The following FHL2 variants were observed in gnomAD, a reference collection of about 807,000 sequenced individuals.
The protein encoded by FHL2 is four and a half LIM domains protein 2.
In FHL2, 20 loss-of-function variants were observed where a neutral mutation model predicts 32.7. That is an observed-to-expected ratio of 0.61 (90% CI 0.43 to 0.89). The LOEUF (loss-of-function observed/expected upper bound fraction) is 0.89, where lower values mean the gene tolerates loss of function less well. FHL2 is among the 40% of genes least tolerant of loss of function. FHL2 has a pLI of 0.00. For synonymous variants in FHL2, 123 were observed against 128.1 expected, an observed-to-expected ratio of 0.96 and a Z score of 0.27; for missense variants, 311 against 358.6, an observed-to-expected ratio of 0.87 and a Z score of 1.07.
In FHL2 at chr2:105,396,856, A is replaced by G. The variant is rs145412384; in HGVS notation, c.-75-159T>C. The G allele has an allele frequency of 5.5e-3, 3,532 of 646,392 alleles. 18 individuals carry two copies. The highest frequency in any genetic ancestry group is 7.9e-3 in the Non-Finnish European group (2,990 of 379,554). The allele number at this position is 646,392 out of a possible 1,614,324, so 40.0% of individuals were successfully genotyped here. ...CAATGTCTAATGTTTCCATTCACCC[A>G]AGCTCAAGGAACTTTGTACCTCAGG... On this transcript the variant is annotated intron_variant, in intron 1 of 6. Coordinates refer to ENST00000530340, the MANE Select transcript of FHL2 (RefSeq NM_001318895.3).
In FHL2 at chr2:105,361,246, G is replaced by A; in HGVS notation, c.*37C>T. 6.3e-7 allele frequency: 1 copy of A among 1,591,670 alleles called. No individual in the cohort carries two copies. The highest frequency in any genetic ancestry group is 1.7e-4 in the Middle Eastern group (1 of 5,944). On this transcript the variant is annotated 3_prime_UTR_variant, in exon 7 of 7. Coordinates refer to ENST00000530340, the MANE Select transcript of FHL2 (RefSeq NM_001318895.3). Reference sequence around the variant, plus strand: ...TGAGAAAGAAAACATAAAAATCTGTGTGTGAGATCACAAGCAGCAACTTCT... The same window carrying A: ...TGAGAAAGAAAACATAAAAATCTGTATGTGAGATCACAAGCAGCAACTTCT...
intron 1 of FHL2, among the ~76,000 whole-genome samples, chr2:105,406,366 G>A (rs933968794): frequency 9.9e-5 from 15 of 152,146 alleles, no homozygotes; most frequent in Non-Finnish European, 1.8e-4. Flanking sequence ...TTGTCTCCAT[G>A]GAGGGCCGGA....
upstream of FHL2, among the ~76,000 whole-genome samples, chr2:105,400,215 G>C (rs1322017984): frequency 6.6e-6 from 1 of 152,178 alleles, no homozygotes; most frequent in Non-Finnish European, 1.5e-5. Context: ...AACTGTGCCA[G>C]CTGAGATTTG....
chr2:105,402,392 A>G (rs1033176603), upstream of FHL2, among the ~76,000 whole-genome samples: 25 of 152,076 alleles, frequency 1.6e-4, no homozygotes, highest in Admixed American at 1.6e-3. Context: ...GACTACAGGC[A>G]TGTGCCACCA....
chr2:105,359,388 C>A (rs934067936), downstream of FHL2: 2 of 152,154 alleles, frequency 1.3e-5, no homozygotes, highest in Non-Finnish European at 2.9e-5. Flanking sequence ...AACTATAAAA[C>A]CAAAAGACTC....
upstream of FHL2, among the ~76,000 whole-genome samples, chr2:105,403,783 T>C (rs1683545272): frequency 6.6e-6 from 1 of 152,166 alleles, no homozygotes; most frequent in South Asian, 2.1e-4. Context: ...AGACTAAACA[T>C]AGACTAGACT....
upstream of FHL2, chr2:105,399,663 A>G (rs1683391275): frequency 6.1e-6 from 9 of 1,479,756 alleles, no homozygotes; most frequent in South Asian, 1.2e-4. Flanking sequence ...CGGGAAAACC[A>G]AAGTGAGCTG....
At chr2:105,397,873 GT>G (rs1192168352) in intron 1 of FHL2, among the ~76,000 whole-genome samples, 2 of 40,372 alleles carry the variant, frequency 5.0e-5, no homozygotes, top group East Asian at 1.2e-3. Flanking sequence ...AATGGTTTTT[GT>G]TTTTTTGTTT....
chr2:105,374,984 G>A (rs910612773), intron 3 of FHL2, among the ~76,000 whole-genome samples: 11 of 152,186 alleles, frequency 7.2e-5, no homozygotes, highest in Non-Finnish European at 5.9e-5. Context: ...GCCTGCCCAC[G>A]ATGTCTCTGT....
At chr2:105,401,065 T>TG (rs1683451575), upstream of FHL2, among the ~76,000 whole-genome samples, 1 of 23,538 alleles carries the variant, frequency 4.2e-5, no homozygotes, top group African/African-American at 1.7e-4. Context: ...TATTGGATTC[T>TG]TTTTTTTTTT....
At chr2:105,416,026 G>A (rs1281295638) in intron 1 of FHL2, among the ~76,000 whole-genome samples, 1 of 152,110 alleles carries the variant, frequency 6.6e-6, no homozygotes, top group Non-Finnish European at 1.5e-5. Context: ...CTTAACCCCT[G>A]TTCTTAAAGA....
At chr2:105,379,457 A>G (rs1681723015) in intron 3 of FHL2, among the ~76,000 whole-genome samples, 1 of 152,146 alleles carries the variant, frequency 6.6e-6, no homozygotes, top group Non-Finnish European at 1.5e-5. Context: ...TTTCATTTTA[A>G]ATCTAAAATT....
rs138082551 is a variant in FHL2 at position 105,429,531 on chromosome 2, C to A, written c.-25+8868G>T. ...GAAGAAGGGGCCATGAGCCAAGGAA[C>A]GTAGGTAGCTTCCAGAAGCTGGAAA... On this transcript the variant is annotated intron_variant, in intron 1 of 5. Transcript: ENST00000393352. Among the ~76,000 whole-genome samples the A allele has an allele frequency of 8.9e-4, 135 of 152,248 alleles. 1 individual carries two copies. Among genetic ancestry groups the A allele is most frequent in the Middle Eastern group, 3.4e-3 (1 of 294 alleles).
chr2:105,394,792 G>A (rs1683010648), intron 2 of FHL2, among the ~76,000 whole-genome samples: 1 of 152,126 alleles, frequency 6.6e-6, no homozygotes, highest in Non-Finnish European at 1.5e-5. Flanking sequence ...ACAGACAGGT[G>A]TCAGAGGTGT....
chr2:105,410,297 A>G (rs1040278655), intron 1 of FHL2, among the ~76,000 whole-genome samples: 2 of 152,224 alleles, frequency 1.3e-5, no homozygotes, highest in East Asian at 1.9e-4. Flanking sequence ...TTCACCTTCT[A>G]GTGGCCTCAC....
At chr2:105,427,620 C>T (rs1684305419) in intron 1 of FHL2, among the ~76,000 whole-genome samples, 1 of 152,156 alleles carries the variant, frequency 6.6e-6, no homozygotes. Flanking sequence ...GGAGTTACAT[C>T]ATTGGTCTGC....
intron 1 of FHL2, among the ~76,000 whole-genome samples, chr2:105,430,038 T>C (rs1684381757): frequency 6.6e-6 from 1 of 152,198 alleles, no homozygotes; most frequent in African/African-American, 2.4e-5. Flanking sequence ...AACTAGGACC[T>C]TGTGCCCTGG....
intron 5 of FHL2, among the ~76,000 whole-genome samples, chr2:105,365,738 A>G (rs550922164): frequency 2.0e-5 from 3 of 151,656 alleles, no homozygotes; most frequent in African/African-American, 7.2e-5. Context: ...CCAGCTGCTC[A>G]GGAGGCTGAG....
intron 2 of FHL2, among the ~76,000 whole-genome samples, 179 bp downstream of exon 2, chr2:105,396,468 A>C (rs1293752700): frequency 6.6e-6 from 1 of 152,210 alleles, no homozygotes; most frequent in Non-Finnish European, 1.5e-5. Flanking sequence ...TGCTTTACTC[A>C]GTCTACCCAT....
Sources: allele counts gnomAD v4.1 joint callset (sites outside exome capture counted in the v4.1 genomes callset), GRCh38; gene constraint gnomAD v4.1.1; transcripts MANE v1.5; gene names NCBI Gene and HGNC (gene_info 2026-07-23, HGNC 2026-07-21).